Variants in XIRP2 observed in about 807,000 individuals in gnomAD.
The protein encoded by XIRP2 is xin actin binding repeat containing 2, also known as xin actin-binding repeat-containing protein 2.
In XIRP2, 236 loss-of-function variants were observed where a neutral mutation model predicts 277.0. The ratio of observed to expected loss-of-function variants is 0.85; its 90% CI spans 0.77 to 0.95. The LOEUF is 0.95. Ranked by LOEUF, XIRP2 falls within the 40% of genes least tolerant of loss-of-function variation. The pLI is 0.00. For synonymous variants in XIRP2, 1,490 were observed against 1,416.5 expected, an observed-to-expected ratio of 1.05 and a Z score of -1.17; for missense variants, 4,640 against 4,157.5, an observed-to-expected ratio of 1.12 and a Z score of -3.19.
intron 2 of XIRP2, among the ~76,000 whole-genome samples, chr2:167,054,639 G>A (rs1158902079): frequency 1.3e-5 from 2 of 148,560 alleles, no homozygotes; most frequent in South Asian, 2.1e-4. Flanking sequence ...AGCTGAAATC[G>A]CACCACTGCA....
intron 1 of XIRP2, among the ~76,000 whole-genome samples, chr2:166,895,393 A>G (rs1684216016): frequency 6.6e-6 from 1 of 152,186 alleles, no homozygotes; most frequent in African/African-American, 2.4e-5. Context: ...TGCTTAACTT[A>G]GCAAAGACAA....
chr2:167,245,766 C>A lies in XIRP2; in HGVS notation c.4374C>A (p.Thr1458=), dbSNP rs1436452477. The A allele has an allele frequency of 2.5e-6, 4 of 1,613,464 alleles. No homozygotes were observed. In the African/African-American group the frequency reaches 4.0e-5, roughly 16 times the overall value. Residue 1458 remains threonine, a synonymous_variant, in exon 9 of 11, where the codon ACC becomes ACA. Transcript: ENST00000409195. ...NVKTSTWLFE[T]HTMDELRGEG... is the part of the protein sequence containing the mutation. ...AAACATCTACTTGGCTATTTGAAAC[C>A]CACACTATGGATGAACTGAGAGGAG...
chr2:167,154,292 T>C (rs1692116741), intron 3 of XIRP2, among the ~76,000 whole-genome samples: 1 of 150,988 alleles, frequency 6.6e-6, no homozygotes, highest in Non-Finnish European at 1.5e-5. Flanking sequence ...GAGTTCATTG[T>C]AGATTCTGGA....
At position 167,248,779 on chromosome 2, in the gene XIRP2, C is replaced by A. The variant is rs747337759; in HGVS notation, c.7387C>A (p.Gln2463Lys). Residue 2463 changes from glutamine to lysine, a missense_variant, in exon 9 of 11, where the codon CAG becomes AAG. Transcript: ENST00000409195. ...ATGTAAAATTACTACCTCAAAGGAT[C>A]AGAAAAAAGTAATGGTGATGACCAG... ...MECKITTSKD[Q>K]KKVMVMTSSE... is the part of the protein sequence containing the mutation. 1 of 1,613,576 alleles carries A rather than the reference C, an allele frequency of 6.2e-7. No homozygotes were observed. Among genetic ancestry groups the A allele is most frequent in the Non-Finnish European group, 8.5e-7 (1 of 1,179,780 alleles).
chr2:166,917,440 A>G (rs1001573208), intron 2 of XIRP2, among the ~76,000 whole-genome samples: 1 of 152,068 alleles, frequency 6.6e-6, no homozygotes, highest in Non-Finnish European at 1.5e-5. Flanking sequence ...TGTTCTTTTC[A>G]CCCACTTACA....
chr2:167,193,459 G>C (rs1171904774), intron 3 of XIRP2, among the ~76,000 whole-genome samples: 3 of 151,958 alleles, frequency 2.0e-5, no homozygotes, highest in Non-Finnish European at 4.4e-5. Context: ...CTTTTATATT[G>C]TTCTCCATTT....
intron 3 of XIRP2, among the ~76,000 whole-genome samples, chr2:167,160,720 C>T (rs1692338507): frequency 6.6e-6 from 1 of 152,140 alleles, no homozygotes; most frequent in South Asian, 2.1e-4. Context: ...TGGTTGGGGA[C>T]ACAGACAAAC....
At chr2:166,920,856 G>T (rs997779187) in intron 2 of XIRP2, among the ~76,000 whole-genome samples, 10 of 152,060 alleles carry the variant, frequency 6.6e-5, no homozygotes, top group African/African-American at 2.4e-4. Flanking sequence ...CCCACTGTCA[G>T]TTGGTGGTTG....
chr2:167,009,751 G>A (rs147887024), intron 2 of XIRP2, among the ~76,000 whole-genome samples: 5,719 of 152,000 alleles, frequency 0.038, 116 homozygotes, highest in East Asian at 0.061. Flanking sequence ...TTTAATGATC[G>A]CTATTCTAAC....
chr2:167,137,616 T>C (rs547451714), intron 3 of XIRP2, among the ~76,000 whole-genome samples: 1 of 152,342 alleles, frequency 6.6e-6, no homozygotes, highest in East Asian at 1.9e-4. Flanking sequence ...CAAAGGCCTT[T>C]TTATGTTAAA....
chr2:167,246,565 T>C lies in XIRP2; in HGVS notation c.5173T>C (p.Ser1725Pro). The change falls in exon 9 of 11, where the codon TCA becomes CCA. Residue 1725 changes from serine (S) to proline (P), a missense_variant. Coordinates refer to ENST00000409195, the MANE Select transcript of XIRP2 (RefSeq NM_152381.6). ...CATTCATAATTTATTGTCTTCCACATCAAACAATAAAATATCTGAAAGGGC... is the reference window on the plus strand; with the variant it reads ...CATTCATAATTTATTGTCTTCCACACCAAACAATAAAATATCTGAAAGGGC... ...RTIHNLLSST[S>P]NNKISERAKI... The C allele has an allele frequency of 6.2e-7, 1 of 1,613,722 alleles. No individual in the cohort carries two copies. Among genetic ancestry groups the C allele is most frequent in the South Asian group, 1.1e-5 (1 of 91,052 alleles).
At chr2:167,185,488 AACTT>A (rs72338969) in intron 3 of XIRP2, among the ~76,000 whole-genome samples, 14,956 of 152,110 alleles carry the variant, frequency 0.098, 774 homozygotes, top group South Asian at 0.15. Flanking sequence ...TCATGAGTGA[AACTT>A]AAAGAAACAT....
intron 3 of XIRP2, among the ~76,000 whole-genome samples, chr2:167,208,027 C>G (rs974006660): frequency 9.9e-5 from 15 of 152,022 alleles, no homozygotes; most frequent in African/African-American, 3.6e-4. Flanking sequence ...GTTTAGTGTG[C>G]AATGAATTCT....
Position 167,249,030 on chromosome 2 carries a change from T to G in XIRP2, c.7638T>G (p.Ile2546Met), listed in dbSNP as rs763195203. 1 of 1,611,232 alleles carries G rather than the reference T, an allele frequency of 6.2e-7. No homozygotes were observed. Among genetic ancestry groups the G allele is most frequent in the Non-Finnish European group, 8.5e-7 (1 of 1,179,228 alleles). ...YMRKFKTPLM[I>M]AEEKYRQQKE... ...GAAAATTTAAGACACCTTTAATGAT[T>G]GCTGAAGAAAAATATAGACAACAAA... The change falls in exon 9 of 11, where the codon ATT becomes ATG. Residue 2546 changes from isoleucine (I) to methionine (M), a missense_variant. By Grantham distance (10) the Ile-to-Met change is conservative. Coordinates refer to ENST00000409195, the MANE Select transcript of XIRP2 (RefSeq NM_152381.6).
rs560402709 is a variant in XIRP2, at chr2:167,128,547, C to T, written c.409-7362C>T. Among the ~76,000 whole-genome samples, 13 of 152,202 alleles carry T rather than the reference C, an allele frequency of 8.5e-5. No individual in the cohort carries two copies. In the South Asian group the frequency reaches 1.5e-3, roughly 17 times the overall value. On this transcript the variant is annotated intron_variant, in intron 2 of 10. Transcript: ENST00000409195. ...TTGAACGTGTATGGGTTTTGGTATC[C>T]GGGGCGGTCCTGGAGCCAATCCCCC... is the stretch of plus-strand genomic sequence containing the variant.
chr2:167,103,106 T>G (rs1040193032), intron 2 of XIRP2, among the ~76,000 whole-genome samples: 2 of 150,956 alleles, frequency 1.3e-5, no homozygotes, highest in African/African-American at 4.9e-5. Context: ...GCCACTACAC[T>G]CCAGCCTGGG....
intron 2 of XIRP2, among the ~76,000 whole-genome samples, chr2:166,914,864 A>G (rs909565443): frequency 3.3e-5 from 5 of 152,186 alleles, no homozygotes; most frequent in African/African-American, 1.2e-4. Context: ...ATGAATGCAT[A>G]TAATATTATG....
intron 2 of XIRP2, among the ~76,000 whole-genome samples, chr2:167,023,644 G>A (rs1480644934): frequency 1.3e-5 from 2 of 152,174 alleles, no homozygotes; most frequent in Non-Finnish European, 2.9e-5. Context: ...AAGGTGTAAG[G>A]AAGGGATCTG....
At chr2:167,209,170 G>T (rs560626773) in intron 3 of XIRP2, among the ~76,000 whole-genome samples, 23 of 152,172 alleles carry the variant, frequency 1.5e-4, no homozygotes, top group African/African-American at 5.3e-4. Context: ...TTTATACTTT[G>T]TATCTTTGTG....
Sources: gnomAD v4.1 joint callset for allele counts (sites outside exome capture counted in the v4.1 genomes callset) on GRCh38, gnomAD v4.1.1 for gene constraint, MANE v1.5 for transcripts, NCBI Gene and HGNC (gene_info 2026-07-23, HGNC 2026-07-21) for gene names.